Variants in XKR4 observed in about 807,000 individuals in gnomAD.
The protein encoded by XKR4 is XK-related protein 4.
XKR4 carries 12 observed loss-of-function variants against 53.9 expected under a neutral mutation model. That is an observed-to-expected ratio of 0.22 (90% confidence interval 0.14 to 0.36). The LOEUF (loss-of-function observed/expected upper bound fraction) is 0.36, where lower values mean the gene tolerates loss of function less well. XKR4 is among the 10% of genes least tolerant of loss of function. XKR4 has a pLI of 1.00. For missense variants in XKR4, 799 were observed against 859.5 expected, an observed-to-expected ratio of 0.93 and a Z score of 0.88; for synonymous variants, 354 against 362.4, an observed-to-expected ratio of 0.98 and a Z score of 0.26.
At chr8:55,162,574 G>A (rs79923178) in intron 1 of XKR4, among the ~76,000 whole-genome samples, 3,775 of 152,260 alleles carry the variant, frequency 0.025, 59 homozygotes, top group Middle Eastern at 0.071. Flanking sequence ...CATACTAGTC[G>A]TTGAATAAAT....
chr8:55,414,936 C>T (rs532064756), intron 2 of XKR4, among the ~76,000 whole-genome samples: 172 of 152,292 alleles, frequency 1.1e-3, no homozygotes, highest in African/African-American at 3.9e-3. Context: ...TCACAAAGCT[C>T]CAGACCAGGC....
intron 1 of XKR4, among the ~76,000 whole-genome samples, chr8:55,132,919 G>C (rs59870590): frequency 1.3e-5 from 2 of 152,174 alleles, no homozygotes; most frequent in African/African-American, 4.8e-5. Flanking sequence ...TCTCCGATTT[G>C]TGAGGACAGC....
At chr8:55,145,911 T>C (rs571030332) in intron 1 of XKR4, among the ~76,000 whole-genome samples, 35 of 152,348 alleles carry the variant, frequency 2.3e-4, no homozygotes, top group African/African-American at 7.7e-4. Flanking sequence ...CAGATCTATC[T>C]GTGAAGTAAA....
chr8:55,310,553 A>G (rs543730356), intron 1 of XKR4, among the ~76,000 whole-genome samples: 5 of 152,346 alleles, frequency 3.3e-5, no homozygotes, highest in African/African-American at 1.2e-4. Flanking sequence ...TCTTTTCAAT[A>G]TAATGGAATA....
intron 1 of XKR4, among the ~76,000 whole-genome samples, chr8:55,113,906 A>C (rs1296731601): frequency 6.6e-6 from 1 of 151,338 alleles, no homozygotes. Flanking sequence ...TCATGATTTT[A>C]CTCTTTTTAG....
intron 2 of XKR4, among the ~76,000 whole-genome samples, chr8:55,433,978 G>A (rs1805138439): frequency 6.6e-6 from 1 of 152,138 alleles, no homozygotes; most frequent in African/African-American, 2.4e-5. Flanking sequence ...AGGTTGCAGT[G>A]AGCTGTGATC....
intron 1 of XKR4, among the ~76,000 whole-genome samples, chr8:55,251,408 T>C (rs555186687): frequency 6.6e-6 from 1 of 152,232 alleles, no homozygotes; most frequent in African/African-American, 2.4e-5. Context: ...TGCATATAAG[T>C]GGCAGTTGGC....
At chr8:55,440,340 C>T (rs951740101) in intron 2 of XKR4, among the ~76,000 whole-genome samples, 1 of 151,926 alleles carries the variant, frequency 6.6e-6, no homozygotes, top group Admixed American at 6.6e-5. Context: ...TAAATCTAAG[C>T]AAAGAGTAAT....
At chr8:55,138,613 A>G (rs969575037) in intron 1 of XKR4, among the ~76,000 whole-genome samples, 2 of 152,236 alleles carry the variant, frequency 1.3e-5, no homozygotes, top group African/African-American at 2.4e-5. Context: ...TGTGCTTCTA[A>G]TTAAAGGTAA....
At chr8:55,377,035 C>G (rs1804162659) in intron 2 of XKR4, among the ~76,000 whole-genome samples, 1 of 152,008 alleles carries the variant, frequency 6.6e-6, no homozygotes, top group Non-Finnish European at 1.5e-5. Context: ...CAGACTTTCT[C>G]AAGCTGTAAC....
chr8:55,474,606 C>T (rs1245989892), intron 2 of XKR4, among the ~76,000 whole-genome samples: 1 of 152,052 alleles, frequency 6.6e-6, no homozygotes, highest in Non-Finnish European at 1.5e-5. Flanking sequence ...AGAATATAGA[C>T]AAAAATTGGG....
intron 1 of XKR4, among the ~76,000 whole-genome samples, chr8:55,290,120 CTTTAA>C (rs1007201540): frequency 4.7e-5 from 7 of 148,578 alleles, no homozygotes; most frequent in African/African-American, 9.9e-5. Context: ...GATGTTAATT[CTTTAA>C]TTTAATTTTT....
At chr8:55,449,645 C>T (rs937536221) in intron 2 of XKR4, 60 of 962,572 alleles carry the variant, frequency 6.2e-5, no homozygotes, top group Non-Finnish European at 9.2e-5. Flanking sequence ...CTTAGGGGCA[C>T]CCATGGTGGC....
At chr8:55,482,185 G>A (rs1438867110) in intron 2 of XKR4, among the ~76,000 whole-genome samples, 1 of 151,944 alleles carries the variant, frequency 6.6e-6, no homozygotes, top group Non-Finnish European at 1.5e-5. Flanking sequence ...AGAAAATGTG[G>A]CACATATACA....
chr8:55,409,303 G>T (rs1490633203), intron 2 of XKR4, among the ~76,000 whole-genome samples: 3 of 152,240 alleles, frequency 2.0e-5, no homozygotes, highest in African/African-American at 7.2e-5. Context: ...CATTTCACCT[G>T]AGCGAGTGAG....
intron 1 of XKR4, among the ~76,000 whole-genome samples, chr8:55,249,313 G>A (rs1818334215): frequency 6.6e-6 from 1 of 152,166 alleles, no homozygotes; most frequent in Non-Finnish European, 1.5e-5. Flanking sequence ...GAGCCACCTG[G>A]GGTTTATGTC....
At chr8:55,279,417 G>A (rs984807816) in intron 1 of XKR4, among the ~76,000 whole-genome samples, 1 of 152,142 alleles carries the variant, frequency 6.6e-6, no homozygotes, top group Non-Finnish European at 1.5e-5. Context: ...CTCTCGGCTT[G>A]GCAGAGGGCA....
At chr8:55,344,081 G>A (rs992138174) in intron 1 of XKR4, among the ~76,000 whole-genome samples, 2 of 152,084 alleles carry the variant, frequency 1.3e-5, no homozygotes, top group East Asian at 3.9e-4. Context: ...GGACACTTCA[G>A]ACAGGACCTC....
At chr8:55,126,624 T>C (rs576883207) in intron 1 of XKR4, among the ~76,000 whole-genome samples, 1 of 152,306 alleles carries the variant, frequency 6.6e-6, no homozygotes, top group East Asian at 1.9e-4. Context: ...AATAAGCCCA[T>C]CACAACCCAG....
Sources: allele counts gnomAD v4.1 joint callset (sites outside exome capture counted in the v4.1 genomes callset), GRCh38; gene constraint gnomAD v4.1.1; transcripts MANE v1.5; gene names NCBI Gene and HGNC (gene_info 2026-07-23, HGNC 2026-07-21).